Variants in SLCO1C1 observed in about 807,000 individuals in gnomAD.
The protein encoded by SLCO1C1 is solute carrier organic anion transporter family member 1C1.
Under a neutral mutation model 76.4 loss-of-function variants are expected in SLCO1C1, and 70 were observed. The ratio of observed to expected loss-of-function variants is 0.92; its 90% CI spans 0.76 to 1.12. The LOEUF (loss-of-function observed/expected upper bound fraction) is 1.12. Among genes scored for constraint, SLCO1C1 ranks in the 50% most tolerant of loss-of-function variants. The pLI, the probability that SLCO1C1 is intolerant of heterozygous loss-of-function variation, is 0.00. For missense variants in SLCO1C1, 912 were observed against 823.8 expected, an observed-to-expected ratio of 1.11 and a Z score of -1.31; for synonymous variants, 306 against 286.1, an observed-to-expected ratio of 1.07 and a Z score of -0.70.
intron 11 of SLCO1C1, among the ~76,000 whole-genome samples, chr12:20,739,698 T>C (rs147492319): frequency 6.6e-6 from 1 of 152,250 alleles, no homozygotes; most frequent in African/African-American, 2.4e-5. Context: ...TAAACTGTTA[T>C]AAGGATGTGG....
Position 20,728,487 on chromosome 12 carries a change from T to C in SLCO1C1, c.1187-4422T>C, listed in dbSNP as rs75569362. 7.2e-3 allele frequency among the ~76,000 whole-genome samples: 1,087 copies of C among 151,748 alleles called. 13 individuals are homozygous for C. Among genetic ancestry groups the C allele is most frequent in the African/African-American group, 0.025 (1,014 of 41,386 alleles). On this transcript the variant is annotated intron_variant, in intron 9 of 14. Coordinates refer to ENST00000266509, the MANE Select transcript of SLCO1C1 (RefSeq NM_017435.5). Reference sequence around the variant, plus strand: ...GACAAGATCTCTAGTAGACAAGATATATCAACTATCATTTATGACAATGAT... The same window carrying C: ...GACAAGATCTCTAGTAGACAAGATACATCAACTATCATTTATGACAATGAT...
chr12:20,728,567 A>T (rs950367241), intron 9 of SLCO1C1, among the ~76,000 whole-genome samples: 10 of 151,662 alleles, frequency 6.6e-5, no homozygotes, highest in Admixed American at 2.0e-4. Flanking sequence ...AAATTAAGAG[A>T]ATAATTTGAA....
chr12:20,726,462 A>G (rs935555266), intron 9 of SLCO1C1, among the ~76,000 whole-genome samples: 7 of 152,102 alleles, frequency 4.6e-5, no homozygotes, highest in African/African-American at 1.7e-4. Context: ...AATGTTAGCC[A>G]CATTCTTTCT....
rs71039980 is a variant in SLCO1C1, at chr12:20,740,787, T to TTATATATATATATATATATA, written c.1733+431_1733+450dup. 6.6e-3 allele frequency among the ~76,000 whole-genome samples: 491 copies of TTATATATATATATATATATA among 74,938 alleles called. 14 individuals carry two copies. The highest frequency in any genetic ancestry group is 0.014 in the African/African-American group (264 of 18,366). 49.2% of individuals were successfully genotyped at this position (74,938 alleles called of 152,430 possible). On this transcript the variant is annotated intron_variant, in intron 12 of 14. Coordinates refer to ENST00000266509, the MANE Select transcript of SLCO1C1 (RefSeq NM_017435.5). ...ACAACAATGTTAGAATTTATTTTATTTATATATATATATATATATATATAT... is the reference window on the plus strand; with the variant it reads ...ACAACAATGTTAGAATTTATTTTATTTATATATATATATATATATATATATATATATATATATATATATAT...
rs1949369617 is a variant in SLCO1C1 at position 20,752,700 on chromosome 12, T to C, written c.*172T>C. The C allele has an allele frequency of 2.4e-6, 1 of 423,562 alleles. No homozygotes were observed. Among genetic ancestry groups the C allele is most frequent in the East Asian group, 3.5e-5 (1 of 28,334 alleles). The allele number at this position is 423,562 out of a possible 1,614,324, so 26.2% of individuals were successfully genotyped here. On this transcript the variant is annotated 3_prime_UTR_variant, in exon 15 of 15. Transcript: ENST00000266509. ...ACTGATAATATACTGAAACATATAA[T>C]GGAAGATGCAGATGATAAAACTAAT... is the stretch of plus-strand genomic sequence containing the variant.
rs74442260 is a variant in SLCO1C1, at chr12:20,706,813, A to G, written c.404+732A>G. Among the ~76,000 whole-genome samples, 568 of 152,288 alleles carry G rather than the reference A, an allele frequency of 3.7e-3. 6 individuals carry two copies. The highest frequency in any genetic ancestry group is 0.013 in the African/African-American group (536 of 41,570). On this transcript the variant is annotated intron_variant, in intron 4 of 14. Coordinates refer to ENST00000266509, the MANE Select transcript of SLCO1C1 (RefSeq NM_017435.5). ...CAGGTCAGCTGACTTCTCAGGCAGC[A>G]GTTTTCATACATATCCATGTCACTG...
chr12:20,723,149 A>G lies in SLCO1C1; in HGVS notation c.1081A>G (p.Thr361Ala), dbSNP rs765621939. Residue 361 changes from threonine to alanine, a missense_variant, in exon 9 of 15, where the codon ACA becomes GCA. Thr to Ala is a moderately conservative substitution (Grantham distance 58, BLOSUM62 0). Coordinates refer to ENST00000266509, the MANE Select transcript of SLCO1C1 (RefSeq NM_017435.5). ...GNPVYFLYLC[T>A]STVQFNSLFG... ...CCCAGTATACTTCCTATATTTATGT[A>G]CAAGCACTGTTCAGTTCAATTCTCT... 8 of 1,613,708 alleles carry G rather than the reference A, an allele frequency of 5.0e-6. No individual in the cohort carries two copies. The South Asian group carries it at 8.8e-5, about 18-fold the overall frequency.
Position 20,701,427 on chromosome 12 carries a change from T to A in SLCO1C1, c.239T>A (p.Leu80Gln). The change falls in exon 3 of 15, where the codon CTG becomes CAG. Residue 80 changes from leucine to glutamine, a missense_variant. Coordinates refer to ENST00000266509, the MANE Select transcript of SLCO1C1 (RefSeq NM_017435.5). ...IERRFDIPSS[L>Q]VGVIDGSFEI... The stretch of plus-strand genomic sequence containing the variant: ...AGAAGGTTTGATATCCCTTCTTCAC[T>A]GGTGGGAGTTATTGATGGTAGTTTT... The A allele has an allele frequency of 6.5e-7, 1 of 1,539,198 alleles. No homozygotes were observed.
intron 11 of SLCO1C1, 33 bp downstream of exon 11, chr12:20,737,305 G>C (rs750798332): frequency 2.6e-6 from 4 of 1,532,570 alleles, no homozygotes; most frequent in Non-Finnish European, 3.5e-6. Flanking sequence ...TATGGCGATG[G>C]TCCTGTTACA....
At position 20,702,365 on chromosome 12, in the gene SLCO1C1, A is replaced by G. The variant is rs150788737; in HGVS notation, c.271+906A>G. On this transcript the variant is annotated intron_variant, in intron 3 of 14. Transcript: ENST00000266509. ...ACAGAAAAAATAAAATGAATAAGTA[A>G]CCTTTTGCCTTCAGGCATTTGCTTC... Among the ~76,000 whole-genome samples, 796 of 152,020 alleles carry G rather than the reference A, an allele frequency of 5.2e-3. 5 individuals are homozygous for G. Among genetic ancestry groups the G allele is most frequent in the African/African-American group, 0.018 (760 of 41,520 alleles).
chr12:20,710,622 G>C (rs571590091), intron 4 of SLCO1C1, among the ~76,000 whole-genome samples: 147 of 152,234 alleles, frequency 9.7e-4, no homozygotes, highest in African/African-American at 3.4e-3. Context: ...ATACACAGGG[G>C]AAAGGGTGGA....
intron 2 of SLCO1C1, among the ~76,000 whole-genome samples, chr12:20,701,036 CTGGAGCAGAG>C (rs1424496018): frequency 2.0e-5 from 3 of 152,036 alleles, no homozygotes; most frequent in Admixed American, 6.6e-5. Context: ...GAGTGCCCCT[CTGGAGCAGAG>C]TGGAAGAAGA....
chr12:20,743,796 T>A (rs893206939), intron 13 of SLCO1C1, among the ~76,000 whole-genome samples: 1 of 152,042 alleles, frequency 6.6e-6, no homozygotes, highest in African/African-American at 2.4e-5. Context: ...TCCCTTATGT[T>A]ATTAGGTAGA....
At chr12:20,737,349 C>A in intron 11 of SLCO1C1, 77 bp downstream of exon 11, 1 of 1,408,744 alleles carries the variant, frequency 7.1e-7, no homozygotes, top group Non-Finnish European at 9.4e-7. Context: ...GGGCTCACAG[C>A]AGACCACTAC....
In SLCO1C1 at chr12:20,719,664, CAAGGCCTAACCCTCATT is replaced by C. The variant is rs1947555833; in HGVS notation, c.776-2137_776-2121del. Among the ~76,000 whole-genome samples, 3 of 152,166 alleles carry C rather than the reference CAAGGCCTAACCCTCATT, an allele frequency of 2.0e-5. 1 individual carries two copies. In the South Asian group the frequency reaches 6.2e-4, roughly 32 times the overall value. ...CCTTAAGCCAAAACCTAATTCAGAACAAGGCCTAACCCTCATTAATTCTATAAAGGCTGAAAGAGATG... is the reference window on the plus strand; with the variant it reads ...CCTTAAGCCAAAACCTAATTCAGAACAATTCTATAAAGGCTGAAAGAGATG... On this transcript the variant is annotated intron_variant, in intron 7 of 14. Transcript: ENST00000266509.
At position 20,713,511 on chromosome 12, in the gene SLCO1C1, A is replaced by C. The variant is rs149618674; in HGVS notation, c.530-1628A>C. Among the ~76,000 whole-genome samples, 185 of 152,346 alleles carry C rather than the reference A, an allele frequency of 1.2e-3. 5 individuals carry two copies. In the East Asian group the frequency reaches 0.03, roughly 24 times the overall value. Reference sequence around the variant, plus strand: ...AATAAAGGGAGAAGTTAGCAGACAGATACAGAGAATGACTCATAACTCAAT... The same window carrying C: ...AATAAAGGGAGAAGTTAGCAGACAGCTACAGAGAATGACTCATAACTCAAT... On this transcript the variant is annotated intron_variant, in intron 5 of 14. Transcript: ENST00000266509.
Position 20,750,687 on chromosome 12 carries a change from C to T in SLCO1C1, c.1811C>T (p.Ala604Val), listed in dbSNP as rs1949261003. The change falls in exon 14 of 15, where the codon GCT (alanine) becomes GTT (valine). Residue 604 changes from alanine to valine, a missense_variant. By Grantham distance (64) the Ala-to-Val change is moderately conservative (BLOSUM62 0). Transcript: ENST00000266509. Reference protein sequence around the residue: ...LAIRVLAGIPAPVYFGVLIDT... With the variant: ...LAIRVLAGIPVPVYFGVLIDT... ...GTTTTTCTCACAGCAGGAATCCCAG[C>T]TCCAGTGTATTTTGGAGTTTTGATT... 1 of 1,613,878 alleles carries T rather than the reference C, an allele frequency of 6.2e-7. No homozygotes were observed. Among genetic ancestry groups the T allele is most frequent in the African/African-American group, 1.3e-5 (1 of 75,030 alleles).
chr12:20,713,883 A>T (rs187811959), intron 5 of SLCO1C1, among the ~76,000 whole-genome samples: 4 of 152,350 alleles, frequency 2.6e-5, no homozygotes. Flanking sequence ...GCACAGACCT[A>T]AGGTGCCTAC....
intron 4 of SLCO1C1, 65 bp downstream of exon 4, chr12:20,706,146 GATT>G (rs774914331): frequency 1.3e-6 from 2 of 1,503,992 alleles, no homozygotes; most frequent in Admixed American, 2.2e-5. Flanking sequence ...CTTTTATGAT[GATT>G]ATTAATTATG....
Sources: gnomAD v4.1 joint callset for allele counts (sites outside exome capture counted in the v4.1 genomes callset) on GRCh38, gnomAD v4.1.1 for gene constraint, MANE v1.5 for transcripts, NCBI Gene and HGNC (gene_info 2026-07-23, HGNC 2026-07-21) for gene names.